Variants in MBTPS1 observed in about 807,000 individuals in gnomAD.
MBTPS1 encodes membrane-bound transcription factor site-1 protease.
A neutral mutation model predicts 127.8 loss-of-function variants in MBTPS1; 94 were observed. That is an observed-to-expected ratio of 0.74 (90% CI 0.62 to 0.87). The LOEUF is 0.87. Among genes scored for constraint, MBTPS1 ranks in the 40% least tolerant of loss-of-function variants. The pLI, the probability that MBTPS1 is intolerant of heterozygous loss-of-function variation, is 0.00. For missense variants in MBTPS1, 1,636 were observed against 1,353.2 expected (o/e 1.21, Z -3.28); for synonymous variants, 632 against 509.4 (o/e 1.24, Z -3.24).
chr16:84,069,695 A>G (rs2085741981), intron 14 of MBTPS1, among the ~76,000 whole-genome samples, 171 bp downstream of exon 14: 1 of 152,244 alleles, frequency 6.6e-6, no homozygotes, highest in African/African-American at 2.4e-5. Context: ...AAGTTTCAAA[A>G]GAGAAGTCAG....
At position 84,101,721 on chromosome 16, in the gene MBTPS1, CA is replaced by C; in HGVS notation, c.62del (p.Leu21ArgfsTer21). ...AAGATTTCTTTTCCAGTCTGTCGCC[CA>C]GATGTTTCTTCCCACAGAGCAAAAC... The part of the protein sequence containing the change: ...LVVLLCGKKH[L>X]GDRLEKKSFE... On this transcript the variant is annotated frameshift_variant, in exon 2 of 23. Coordinates refer to ENST00000343411, the MANE Select transcript of MBTPS1 (RefSeq NM_003791.4). LOFTEE classifies it high-confidence loss of function. 1 of 1,614,132 alleles carries C rather than the reference CA, an allele frequency of 6.2e-7. No homozygotes were observed.
chr16:84,103,898 C>G (rs796300812), intron 1 of MBTPS1, among the ~76,000 whole-genome samples: 1 of 152,098 alleles, frequency 6.6e-6, no homozygotes, highest in African/African-American at 2.4e-5. Flanking sequence ...ACATCCACCT[C>G]GACAAGAACA....
chr16:84,088,039 T>C (rs1350071554), intron 8 of MBTPS1, among the ~76,000 whole-genome samples: 4 of 152,162 alleles, frequency 2.6e-5, no homozygotes, highest in African/African-American at 7.2e-5. Context: ...TTGAGCTCCT[T>C]AGAGTCTCTC....
chr16:84,056,162 C>G, intron 21 of MBTPS1, 27 bp from the exon 22 acceptor site: 1 of 1,603,668 alleles, frequency 6.2e-7, no homozygotes, highest in Non-Finnish European at 8.5e-7. Flanking sequence ...TAAAACAAAA[C>G]AAAAATAAGC....
chr16:84,105,758 GCA>G (rs1325639894), intron 1 of MBTPS1, among the ~76,000 whole-genome samples: 2 of 152,256 alleles, frequency 1.3e-5, no homozygotes, highest in African/African-American at 2.4e-5. Flanking sequence ...GCAGTGAAGA[GCA>G]CAGAGATAAA....
intron 13 of MBTPS1, 69 bp downstream of exon 13, chr16:84,070,519 G>C (rs375694300): frequency 3.3e-6 from 5 of 1,499,744 alleles, no homozygotes; most frequent in South Asian, 2.3e-5. Flanking sequence ...CCAGGCATTT[G>C]GCCTGTCCCT....
chr16:84,114,813 AGCG>A (rs879919174), intron 1 of MBTPS1, among the ~76,000 whole-genome samples: 5,304 of 151,010 alleles, frequency 0.035, 149 homozygotes, highest in Middle Eastern at 0.075. Context: ...TGGGCGACAG[AGCG>A]AGACTCTGTC....
intron 1 of MBTPS1, among the ~76,000 whole-genome samples, chr16:84,104,164 C>G (rs1441050995): frequency 6.6e-6 from 1 of 152,174 alleles, no homozygotes; most frequent in Non-Finnish European, 1.5e-5. Context: ...GTTCTCATAT[C>G]ACAGTAAATG....
chr16:84,095,163 A>G (rs1450327656), intron 4 of MBTPS1, among the ~76,000 whole-genome samples: 1 of 152,232 alleles, frequency 6.6e-6, no homozygotes, highest in Non-Finnish European at 1.5e-5. Flanking sequence ...ACCAAACTCA[A>G]GTGATAAACT....
chr16:84,064,897 C>T (rs889452507), intron 18 of MBTPS1, among the ~76,000 whole-genome samples: 9 of 152,194 alleles, frequency 5.9e-5, no homozygotes, highest in Non-Finnish European at 1.2e-4. Flanking sequence ...CCTCTCTTTT[C>T]ATCGTTTTCA....
In MBTPS1 at chr16:84,093,347, G is replaced by A. The variant is rs202020899; in HGVS notation, c.737-50C>T. On this transcript the variant is annotated intron_variant, in intron 5 of 22. Coordinates refer to ENST00000343411, the MANE Select transcript of MBTPS1 (RefSeq NM_003791.4). ...CCATAAAACACACTGAATAGCAAGT[G>A]CCAGGACGCAACATTCCAGGCCATG... is the stretch of plus-strand genomic sequence containing the variant. 1.4e-4 allele frequency: 170 copies of A among 1,236,870 alleles called. 1 individual carries two copies. In the African/African-American group the frequency reaches 2.3e-3, roughly 17 times the overall value. 76.6% of individuals were successfully genotyped at this position (1,236,870 alleles called of 1,614,324 possible). A position where few individuals can be genotyped will look rare whatever the true frequency, so the allele number is the denominator to read the frequency against.
chr16:84,112,428 G>A (rs1246180425), intron 1 of MBTPS1, among the ~76,000 whole-genome samples: 1 of 152,170 alleles, frequency 6.6e-6, no homozygotes, highest in East Asian at 1.9e-4. Context: ...GGGAGGCCGA[G>A]GCAGGCGGAT....
rs762914756 is a variant in MBTPS1, at chr16:84,068,325, G to A, written c.2071+14C>T. The A allele has an allele frequency of 3.3e-6, 5 of 1,520,864 alleles. No individual in the cohort carries two copies. Among genetic ancestry groups the A allele is most frequent in the South Asian group, 1.1e-5 (1 of 89,196 alleles). The allele number at this position is 1,520,864 out of a possible 1,614,324, so 94.2% of individuals were successfully genotyped here. On this transcript the variant is annotated intron_variant, in intron 15 of 22. Coordinates refer to ENST00000343411, the MANE Select transcript of MBTPS1 (RefSeq NM_003791.4). ...GCGGAAAGACCATCTGGCTAGCACAGCAGTGCCACTTACCATACTGACTGG... is the reference window on the plus strand; with the variant it reads ...GCGGAAAGACCATCTGGCTAGCACAACAGTGCCACTTACCATACTGACTGG...
chr16:84,099,031 T>G (rs750078476), intron 3 of MBTPS1, 22 bp downstream of exon 3: 2 of 1,609,192 alleles, frequency 1.2e-6, no homozygotes, highest in South Asian at 2.2e-5. Flanking sequence ...GAGAGAAATT[T>G]GCCTACAGTC....
intron 21 of MBTPS1, among the ~76,000 whole-genome samples, chr16:84,058,815 C>A (rs1486933853): frequency 6.6e-6 from 1 of 152,170 alleles, no homozygotes; most frequent in East Asian, 1.9e-4. Context: ...TCACAGCCTG[C>A]CATCGGAGGC....
intron 18 of MBTPS1, among the ~76,000 whole-genome samples, chr16:84,064,488 T>C (rs1361494447): frequency 2.0e-5 from 3 of 152,224 alleles, no homozygotes; most frequent in African/African-American, 7.2e-5. Flanking sequence ...AAAGTCTTTA[T>C]GGGAATAAAA....
chr16:84,078,101 ACACTGCTCACG>A (rs1446456457), intron 11 of MBTPS1, among the ~76,000 whole-genome samples: 8 of 80,696 alleles, frequency 9.9e-5, no homozygotes, highest in Admixed American at 7.1e-4. Flanking sequence ...GCACTCACGC[ACACTGCTCACG>A]CAATACCAAA....
chr16:84,081,454 T>C, intron 11 of MBTPS1: 1 of 208,348 alleles, frequency 4.8e-6, no homozygotes, highest in Non-Finnish European at 9.5e-6. Flanking sequence ...AAAATTTCTG[T>C]AAACCTAAGA....
At position 84,063,374 on chromosome 16, in the gene MBTPS1, C is replaced by G; in HGVS notation, c.2503G>C (p.Ala835Pro). The change falls in exon 19 of 23, where the codon GCT becomes CCT. Residue 835 changes from alanine to proline, a missense_variant. Physicochemically the swap from Ala to Pro is conservative, Grantham distance 27. Transcript: ENST00000343411. ...VPILGLYQIP[A>P]EGGGRIVLYG... is the part of the protein sequence containing the mutation. Reference sequence around the variant, plus strand: ...AGTACAATCCGGCCTCCACCCTCAGCTGGAATCTGATAAAGTCCCAAAATG... The same window carrying G: ...AGTACAATCCGGCCTCCACCCTCAGGTGGAATCTGATAAAGTCCCAAAATG... 2 of 1,614,140 alleles carry G rather than the reference C, an allele frequency of 1.2e-6. No homozygotes were observed. The highest frequency in any genetic ancestry group is 1.7e-6 in the Non-Finnish European group (2 of 1,179,974).
Sources: allele counts gnomAD v4.1 joint callset (sites outside exome capture counted in the v4.1 genomes callset), GRCh38; gene constraint gnomAD v4.1.1; transcripts MANE v1.5; gene names NCBI Gene and HGNC (gene_info 2026-07-23, HGNC 2026-07-21).